Variants in SULT1E1 observed in about 807,000 individuals in gnomAD.
SULT1E1 encodes sulfotransferase family 1E member 1.
A neutral mutation model predicts 33.6 loss-of-function variants in SULT1E1; 36 were observed. The ratio of observed to expected loss-of-function variants is 1.07; its 90% CI spans 0.82 to 1.41. The LOEUF is 1.41. Among genes scored for constraint, SULT1E1 ranks in the 40% most tolerant of loss-of-function variants. The pLI is 0.00. For missense variants in SULT1E1, 371 were observed against 345.7 expected, an observed-to-expected ratio of 1.07 and a Z score of -0.58; for synonymous variants, 121 against 111.7, an observed-to-expected ratio of 1.08 and a Z score of -0.53.
At chr4:69,854,874 T>C (rs1177394557) in intron 3 of SULT1E1, among the ~76,000 whole-genome samples, 1 of 152,162 alleles carries the variant, frequency 6.6e-6, no homozygotes, top group East Asian at 1.9e-4. Flanking sequence ...TTTTATAGTG[T>C]TATTACACAA....
chr4:69,841,978 G>C lies in SULT1E1; in HGVS notation c.*16C>G. ...AAATCTTTAATATCAGATATGTTAA[G>C]TAAAGAAAGACCTTCTTAGATCTCA... On this transcript the variant is annotated 3_prime_UTR_variant, in exon 8 of 8. Coordinates refer to ENST00000226444, the MANE Select transcript of SULT1E1 (RefSeq NM_005420.3). 7.2e-7 allele frequency: 1 copy of C among 1,386,430 alleles called. No individual in the cohort carries two copies. The highest frequency in any genetic ancestry group is 1.9e-5 in the Admixed American group (1 of 52,758). The allele number at this position is 1,386,430 out of a possible 1,614,324, so 85.9% of individuals were successfully genotyped here.
chr4:69,832,221 C>T, the SULT1E1 span, among the ~76,000 whole-genome samples: 1 of 152,258 alleles, frequency 6.6e-6, no homozygotes, highest in South Asian at 2.1e-4. Flanking sequence ...GGGAGGGGCG[C>T]CGGAGAAGCA....
chr4:69,822,528 A>G, the SULT1E1 span, among the ~76,000 whole-genome samples: 1 of 152,184 alleles, frequency 6.6e-6, no homozygotes, highest in African/African-American at 2.4e-5. Flanking sequence ...AGGTGGGAAG[A>G]TCATTTGAGC....
At chr4:69,834,695 AGT>A in the SULT1E1 span, among the ~76,000 whole-genome samples, 1 of 152,220 alleles carries the variant, frequency 6.6e-6, no homozygotes, top group Non-Finnish European at 1.5e-5. Flanking sequence ...CAGTTGTAGT[AGT>A]AACAGTAGCA....
downstream of SULT1E1, chr4:69,838,596 TTC>T (rs1720833483): frequency 6.6e-6 from 1 of 152,192 alleles, no homozygotes; most frequent in South Asian, 2.1e-4. Context: ...AAAATTTATT[TTC>T]TCTTTTCTTT....
chr4:69,827,605 T>G, the SULT1E1 span, among the ~76,000 whole-genome samples: 1 of 152,080 alleles, frequency 6.6e-6, no homozygotes, highest in South Asian at 2.1e-4. Context: ...AAAGATAAGT[T>G]TATTACCCAG....
At chr4:69,851,705 C>T (rs1192277734) in intron 4 of SULT1E1, among the ~76,000 whole-genome samples, 2 of 152,118 alleles carry the variant, frequency 1.3e-5, no homozygotes, top group African/African-American at 2.4e-5. Flanking sequence ...TTCACAATAG[C>T]AAAGACTTGG....
rs1293748503 is a variant in SULT1E1, at chr4:69,854,171, T to C, written c.369+46A>G. On this transcript the variant is annotated intron_variant, in intron 4 of 7. Coordinates refer to ENST00000226444, the MANE Select transcript of SULT1E1 (RefSeq NM_005420.3). ...TATAACTGATGAGATCACTCTATCA[T>C]TTCTTGGAATTGGATGAAGTTTTGA... 4.3e-6 allele frequency: 6 copies of C among 1,405,558 alleles called. 1 individual carries two copies. In the Admixed American group the frequency reaches 5.2e-5, roughly 12 times the overall value. 87.1% of individuals were successfully genotyped at this position (1,405,558 alleles called of 1,614,324 possible).
At chr4:69,835,033 G>T in the SULT1E1 span, among the ~76,000 whole-genome samples, 1 of 151,932 alleles carries the variant, frequency 6.6e-6, no homozygotes, top group East Asian at 1.9e-4. Context: ...TTACTATCAG[G>T]CATATGCATA....
At chr4:69,844,090 C>G in intron 7 of SULT1E1, 71 bp downstream of exon 7, 1 of 1,439,434 alleles carries the variant, frequency 6.9e-7, no homozygotes, top group Non-Finnish European at 9.8e-7. Context: ...AAATACCTCA[C>G]TAGATTTTTG....
At chr4:69,832,730 G>A in the SULT1E1 span, among the ~76,000 whole-genome samples, 7 of 152,128 alleles carry the variant, frequency 4.6e-5, no homozygotes, top group East Asian at 1.9e-4. Flanking sequence ...GCTCAGGCAC[G>A]TCTGGTGACC....
At chr4:69,842,605 T>C (rs2110064913) in intron 7 of SULT1E1, among the ~76,000 whole-genome samples, 1 of 151,750 alleles carries the variant, frequency 6.6e-6, no homozygotes, top group East Asian at 1.9e-4. Context: ...ATGACCTGTG[T>C]AGAGTCAACA....
the SULT1E1 span, among the ~76,000 whole-genome samples, chr4:69,832,624 T>A: frequency 6.6e-6 from 1 of 152,122 alleles, no homozygotes; most frequent in South Asian, 2.1e-4. Context: ...GCCCAGATGG[T>A]CATTATCTGG....
chr4:69,856,700 C>A (rs969941333), intron 2 of SULT1E1, among the ~76,000 whole-genome samples: 4 of 151,668 alleles, frequency 2.6e-5, no homozygotes, highest in Admixed American at 2.0e-4. Flanking sequence ...TTTGGGAGGC[C>A]GAGGCGGGTG....
At chr4:69,836,313 TTTATC>T (rs1259062769), downstream of SULT1E1, among the ~76,000 whole-genome samples, 2 of 152,228 alleles carry the variant, frequency 1.3e-5, no homozygotes, top group African/African-American at 2.4e-5. Context: ...GAGCAAGTCA[TTTATC>T]TTATAAGTGT....
At chr4:69,822,797 C>T in the SULT1E1 span, among the ~76,000 whole-genome samples, 69 of 152,128 alleles carry the variant, frequency 4.5e-4, no homozygotes, top group East Asian at 7.7e-4. Flanking sequence ...CTTTCCCCCT[C>T]GACCGTTGTA....
chr4:69,833,602 A>T, the SULT1E1 span, among the ~76,000 whole-genome samples: 2 of 152,334 alleles, frequency 1.3e-5, no homozygotes, highest in Admixed American at 6.5e-5. Flanking sequence ...AGGGACAGTG[A>T]AGAACATCAA....
intron 4 of SULT1E1, among the ~76,000 whole-genome samples, chr4:69,852,888 A>G (rs1460052585): frequency 6.6e-6 from 1 of 152,180 alleles, no homozygotes; most frequent in Non-Finnish European, 1.5e-5. Flanking sequence ...TATCCTCCAA[A>G]GGAAAAAAGT....
At chr4:69,838,216 T>C (rs1447872145), downstream of SULT1E1, among the ~76,000 whole-genome samples, 2 of 152,168 alleles carry the variant, frequency 1.3e-5, no homozygotes, top group African/African-American at 4.8e-5. Flanking sequence ...TAATCTTTTT[T>C]TGAGAACTAG....
Sources: gnomAD v4.1 joint callset for allele counts (sites outside exome capture counted in the v4.1 genomes callset) on GRCh38, gnomAD v4.1.1 for gene constraint, MANE v1.5 for transcripts, NCBI Gene and HGNC (gene_info 2026-07-23, HGNC 2026-07-21) for gene names.